ZNF714: variants seen among roughly 807,000 people sequenced by gnomAD.
ZNF714 encodes zinc finger protein 714.
A neutral mutation model predicts 46.2 loss-of-function variants in ZNF714; 32 were observed. The observed-to-expected ratio is 0.69, with a 90% confidence interval of 0.52 to 0.93. ZNF714 has a LOEUF of 0.93. ZNF714 is among the 40% of genes least tolerant of loss of function. The pLI is 0.00. For missense variants in ZNF714, 635 were observed against 646.3 expected, an observed-to-expected ratio of 0.98 and a Z score of 0.19; for synonymous variants, 199 against 213.1, an observed-to-expected ratio of 0.93 and a Z score of 0.58.
intron 4 of ZNF714, among the ~76,000 whole-genome samples, chr19:21,107,137 T>C (rs2144859947): frequency 6.6e-6 from 1 of 152,328 alleles, no homozygotes; most frequent in East Asian, 1.9e-4. Flanking sequence ...TTTTAGCTTT[T>C]AATATGTTTT....
intron 4 of ZNF714, among the ~76,000 whole-genome samples, chr19:21,116,033 T>G: frequency 6.6e-6 from 1 of 151,958 alleles, no homozygotes; most frequent in Admixed American, 6.6e-5. Context: ...TTGCCCTATT[T>G]TGTATTCATT....
chr19:21,117,023 A>C lies in ZNF714; in HGVS notation c.359A>C (p.Asp120Ala). 6.2e-7 allele frequency: 1 copy of C among 1,613,212 alleles called. No homozygotes were observed. Among genetic ancestry groups the C allele is most frequent in the Middle Eastern group, 1.7e-4 (1 of 6,058 alleles). ...TTTQSKIFPCDKYIKVFHKIF... is the reference protein window; with the variant it reads ...TTTQSKIFPCAKYIKVFHKIF... ...ACCCAGAGCAAAATATTTCCATGTG[A>C]TAAATATATAAAAGTCTTTCATAAA... The change falls in exon 5 of 5, where the codon GAT becomes GCT. Residue 120 changes from aspartate (D) to alanine (A), a missense_variant. Asp to Ala is a moderately radical substitution (Grantham distance 126). Transcript: ENST00000456283.
chr19:21,086,159 C>T (rs1462088822), intron 2 of ZNF714, among the ~76,000 whole-genome samples: 4 of 151,944 alleles, frequency 2.6e-5, no homozygotes, highest in Non-Finnish European at 5.9e-5. Flanking sequence ...AGTTCTGGGG[C>T]CTGTGAAAAA....
intron 4 of ZNF714, among the ~76,000 whole-genome samples, chr19:21,106,734 G>T (rs983179013): frequency 2.0e-5 from 3 of 152,032 alleles, no homozygotes; most frequent in African/African-American, 7.2e-5. Context: ...TATACAGAAG[G>T]CTTCATTTCT....
At chr19:21,116,661 A>T in intron 4 of ZNF714, 146 bp from the exon 5 acceptor site, 1 of 1,017,880 alleles carries the variant, frequency 9.8e-7, no homozygotes, top group Non-Finnish European at 1.4e-6. Context: ...CTTTTATTAC[A>T]TTTATATGTC....
intron 2 of ZNF714, among the ~76,000 whole-genome samples, chr19:21,093,126 A>T (rs1968956178): frequency 6.6e-6 from 1 of 151,924 alleles, no homozygotes; most frequent in Admixed American, 6.6e-5. Flanking sequence ...GGATGATCTC[A>T]ATCTCCTGAC....
At chr19:21,086,451 G>A (rs977803034) in intron 2 of ZNF714, among the ~76,000 whole-genome samples, 1 of 152,132 alleles carries the variant, frequency 6.6e-6, no homozygotes, top group Non-Finnish European at 1.5e-5. Context: ...TGCTAAACAA[G>A]GGGTGGATTA....
In ZNF714 at chr19:21,099,240, G is replaced by A. The variant is rs113302226; in HGVS notation, c.142+330G>A. ...GTTGCCCAGGCTGGATTGCAGTAGC[G>A]TGATCTCAACTCACTGCAACCTGTG... On this transcript the variant is annotated intron_variant, in intron 4 of 4. Coordinates refer to ENST00000456283, the MANE Select transcript of ZNF714 (RefSeq NM_182515.4). 8.5e-5 allele frequency among the ~76,000 whole-genome samples: 13 copies of A among 152,070 alleles called. No homozygotes were observed. The East Asian group carries it at 1.5e-3, about 18-fold the overall frequency.
At chr19:21,111,433 TGCTG>T (rs1969447302) in intron 4 of ZNF714, among the ~76,000 whole-genome samples, 1 of 152,202 alleles carries the variant, frequency 6.6e-6, no homozygotes. Flanking sequence ...CCTGAGACTT[TGCTG>T]AAGTTGCTTA....
At position 21,121,434 on chromosome 19, in the gene ZNF714, T is replaced by A. The variant is rs1437037783; in HGVS notation, c.*3102T>A. Reference sequence around the variant, plus strand: ...TTATGGTCATAATACAAATTATATATGAGTATAAATAAAATTCATTTCTAA... The same window carrying A: ...TTATGGTCATAATACAAATTATATAAGAGTATAAATAAAATTCATTTCTAA... On this transcript the variant is annotated 3_prime_UTR_variant, in exon 5 of 5. Coordinates refer to ENST00000456283, the MANE Select transcript of ZNF714 (RefSeq NM_182515.4). 1 of 152,226 alleles carries A rather than the reference T, an allele frequency of 6.6e-6. No individual in the cohort carries two copies. Among genetic ancestry groups the A allele is most frequent in the Non-Finnish European group, 1.5e-5 (1 of 68,036 alleles). The allele number at this position is 152,226 out of a possible 1,614,324, so 9.4% of individuals were successfully genotyped here. A position where few individuals can be genotyped will look rare whatever the true frequency, so the allele number is the denominator to read the frequency against.
At position 21,117,035 on chromosome 19, in the gene ZNF714, A is replaced by G; in HGVS notation, c.371A>G (p.Lys124Arg). ...ATATTTCCATGTGATAAATATATAAAAGTCTTTCATAAAATTTTCAATTCA... is the reference window on the plus strand; with the variant it reads ...ATATTTCCATGTGATAAATATATAAGAGTCTTTCATAAAATTTTCAATTCA... ...SKIFPCDKYIKVFHKIFNSNR... is the reference protein window; with the variant it reads ...SKIFPCDKYIRVFHKIFNSNR... The change falls in exon 5 of 5, where the codon AAA becomes AGA. Residue 124 changes from lysine (K) to arginine (R), a missense_variant. Physicochemically the swap from Lys to Arg is conservative, Grantham distance 26 (BLOSUM62 2). Transcript: ENST00000456283. The G allele has an allele frequency of 6.2e-7, 1 of 1,613,204 alleles. No homozygotes were observed. Among genetic ancestry groups the G allele is most frequent in the East Asian group, 2.2e-5 (1 of 44,824 alleles).
Position 21,121,580 on chromosome 19 carries a change from C to T in ZNF714, c.*3248C>T, listed in dbSNP as rs1176846008. On this transcript the variant is annotated 3_prime_UTR_variant, in exon 5 of 5. Transcript: ENST00000456283. ...AAATATGTATTAGTCTAAAGACAAA[C>T]TTTAGGTGTAAGAAAATTATGGAAT... 2.0e-5 allele frequency: 3 copies of T among 152,042 alleles called. No homozygotes were observed. The highest frequency in any genetic ancestry group is 1.3e-4 in the Admixed American group (2 of 15,276). 9.4% of individuals were successfully genotyped at this position (152,042 alleles called of 1,614,324 possible).
chr19:21,082,708 C>G (rs1968684746), intron 1 of ZNF714, among the ~76,000 whole-genome samples: 1 of 91,398 alleles, frequency 1.1e-5, no homozygotes, highest in Non-Finnish European at 2.6e-5. Flanking sequence ...CCGTGGGGTT[C>G]CAGTTCCTCT....
In ZNF714 at chr19:21,092,906, CT is replaced by C. The variant is rs56845417; in HGVS notation, c.-84-5258del. Among the ~76,000 whole-genome samples the C allele has an allele frequency of 1.9e-4, 19 of 101,708 alleles. No homozygotes were observed. The East Asian group carries it at 2.0e-3, about 11-fold the overall frequency. 66.7% of individuals were successfully genotyped at this position (101,708 alleles called of 152,430 possible). A position where few individuals can be genotyped will look rare whatever the true frequency, so the allele number is the denominator to read the frequency against. ...TCTATGTTGCTGCAAATAACTTAAA[CT>C]TTTTTTTTTTTTTTTTTTTTGAGAC... is the stretch of plus-strand genomic sequence containing the variant. On this transcript the variant is annotated intron_variant, in intron 2 of 4. Coordinates refer to ENST00000456283, the MANE Select transcript of ZNF714 (RefSeq NM_182515.4).
At position 21,098,964 on chromosome 19, in the gene ZNF714, A is replaced by T; in HGVS notation, c.142+54A>T. The stretch of plus-strand genomic sequence containing the variant: ...ACAGATGAGAGGTACAAAGGTAAAA[A>T]AAAAAAAAAAGCAAGCCGGCCCTTA... On this transcript the variant is annotated intron_variant, in intron 4 of 4. Coordinates refer to ENST00000456283, the MANE Select transcript of ZNF714 (RefSeq NM_182515.4). 5 of 1,182,452 alleles carry T rather than the reference A, an allele frequency of 4.2e-6. No homozygotes were observed. The African/African-American group carries it at 6.2e-5, about 15-fold the overall frequency. The allele number at this position is 1,182,452 out of a possible 1,614,324, so 73.2% of individuals were successfully genotyped here.
chr19:21,101,386 T>C (rs144510585), intron 4 of ZNF714, among the ~76,000 whole-genome samples: 3 of 152,318 alleles, frequency 2.0e-5, no homozygotes, highest in Non-Finnish European at 2.9e-5. Flanking sequence ...CACCTTTAGA[T>C]GGTTTGTTAC....
intron 4 of ZNF714, chr19:21,113,195 G>C (rs892708908): frequency 6.6e-6 from 1 of 152,192 alleles, no homozygotes; most frequent in African/African-American, 2.4e-5. Flanking sequence ...ACCCTGCTTA[G>C]CTTCCGAGAT....
chr19:21,107,225 A>G (rs975437704), intron 4 of ZNF714, among the ~76,000 whole-genome samples: 18 of 142,774 alleles, frequency 1.3e-4, no homozygotes, highest in Non-Finnish European at 3.1e-5. Context: ...AAATTTTTAA[A>G]TTTTAGACAA....
rs750269746 is a variant in ZNF714 at position 21,117,299 on chromosome 19, A to C, written c.635A>C (p.His212Pro). ...KCEECGKAFK[H>P]SSTLTTHKMI... The stretch of plus-strand genomic sequence containing the variant: ...GAAGAATGTGGCAAAGCTTTTAAGC[A>C]CTCCTCAACCCTTACTACACATAAG... Residue 212 changes from histidine (H) to proline (P), a missense_variant, in exon 5 of 5, where the codon CAC becomes CCC. His to Pro is a moderately conservative substitution (Grantham distance 77, BLOSUM62 -2). Coordinates refer to ENST00000456283, the MANE Select transcript of ZNF714 (RefSeq NM_182515.4). 2 of 1,612,882 alleles carry C rather than the reference A, an allele frequency of 1.2e-6. No individual in the cohort carries two copies. Among genetic ancestry groups the C allele is most frequent in the African/African-American group, 2.7e-5 (2 of 74,660 alleles).
Sources: gnomAD v4.1 joint callset for allele counts (sites outside exome capture counted in the v4.1 genomes callset) on GRCh38, gnomAD v4.1.1 for gene constraint, MANE v1.5 for transcripts, NCBI Gene and HGNC (gene_info 2026-07-23, HGNC 2026-07-21) for gene names.